The following TSPEAR variants were observed in gnomAD, a reference collection of about 807,000 sequenced individuals.
TSPEAR encodes the protein thrombospondin type laminin G domain and EAR repeats.
A neutral mutation model predicts 71.6 loss-of-function variants in TSPEAR; 69 were observed. That is an observed-to-expected ratio of 0.96 (90% CI 0.79 to 1.18). The LOEUF (loss-of-function observed/expected upper bound fraction) is 1.18, where lower values mean the gene tolerates loss of function less well. TSPEAR is among the 50% of genes most tolerant of loss of function. TSPEAR has a pLI of 0.00. For missense variants in TSPEAR, 971 were observed against 894.9 expected (o/e 1.09, Z -1.09); for synonymous variants, 402 against 387.2 (o/e 1.04, Z -0.45).
At chr21:44,609,135 A>G (rs1434174315) in intron 1 of TSPEAR, among the ~76,000 whole-genome samples, 1 of 152,238 alleles carries the variant, frequency 6.6e-6, no homozygotes, top group Non-Finnish European at 1.5e-5. Flanking sequence ...TAGAACACGC[A>G]AAGCTAACCA....
chr21:44,706,341 C>A (rs1987914833), intron 1 of TSPEAR, among the ~76,000 whole-genome samples: 1 of 151,606 alleles, frequency 6.6e-6, no homozygotes, highest in African/African-American at 2.4e-5. Flanking sequence ...GTGCACACCC[C>A]CATGCACACG....
At chr21:44,643,366 C>T (rs782058815) in intron 1 of TSPEAR, among the ~76,000 whole-genome samples, 151 of 152,166 alleles carry the variant, frequency 9.9e-4, no homozygotes, top group Admixed American at 1.8e-3. Context: ...TAACACAGAA[C>T]GCAACATAGT....
intron 1 of TSPEAR, among the ~76,000 whole-genome samples, chr21:44,595,070 C>T (rs1555927457): frequency 6.6e-6 from 1 of 152,170 alleles, no homozygotes; most frequent in East Asian, 1.9e-4. Flanking sequence ...GATCCACCTA[C>T]CTTGGCCTCC....
intron 4 of TSPEAR, among the ~76,000 whole-genome samples, 189 bp downstream of exon 4, chr21:44,530,854 A>G (rs1284611742): frequency 6.6e-6 from 1 of 152,212 alleles, no homozygotes; most frequent in Non-Finnish European, 1.5e-5. Flanking sequence ...ACCCAAGACC[A>G]TCAGGGAGGA....
intron 2 of TSPEAR, among the ~76,000 whole-genome samples, chr21:44,563,260 A>C (rs1193627284): frequency 1.3e-5 from 2 of 152,152 alleles, no homozygotes; most frequent in African/African-American, 4.8e-5. Context: ...AAAGCCATAA[A>C]ATTATAGGAA....
intron 9 of TSPEAR, chr21:44,516,708 C>CAACT (rs1256807904): frequency 1.3e-5 from 2 of 152,240 alleles, no homozygotes; most frequent in African/African-American, 4.8e-5. Flanking sequence ...TCGGGATGAC[C>CAACT]AACTGTGCCA....
At position 44,710,418 on chromosome 21, in the gene TSPEAR, CA is replaced by C. The variant is rs1988159513; in HGVS notation, c.82+1014del. Among the ~76,000 whole-genome samples the C allele has an allele frequency of 7.6e-6, 1 of 132,428 alleles. No individual in the cohort carries two copies. The highest frequency in any genetic ancestry group is 2.3e-4 in the South Asian group (1 of 4,334). 86.9% of individuals were successfully genotyped at this position (132,428 alleles called of 152,430 possible). On this transcript the variant is annotated intron_variant, in intron 1 of 11. Transcript: ENST00000323084. This position sits in a 1 kb window ranked among gnomAD's most constrained non-coding sequence, Gnocchi z 4.6. ...GGTGGGCAGGCACGTTTATGACCCC[CA>C]CCCCCACCCCCACCCCCCACGCGAG...
At chr21:44,566,214 A>G (rs1034221586) in intron 2 of TSPEAR, among the ~76,000 whole-genome samples, 7 of 152,118 alleles carry the variant, frequency 4.6e-5, no homozygotes, top group Non-Finnish European at 7.3e-5. Flanking sequence ...ATTTCTATAT[A>G]TTTGCAATTA....
In TSPEAR at chr21:44,622,148, A is replaced by T. The variant is rs587683488; in HGVS notation, c.83-54143T>A. 3.9e-5 allele frequency among the ~76,000 whole-genome samples: 6 copies of T among 152,360 alleles called. No homozygotes were observed. The South Asian group carries it at 1.2e-3, about 32-fold the overall frequency. On this transcript the variant is annotated intron_variant, in intron 1 of 11. Coordinates refer to ENST00000323084, the MANE Select transcript of TSPEAR (RefSeq NM_144991.3). ...GCTCCACATCATGAGTCATCAGGGC[A>T]ATACAAACTTAAACCCCAAAGGACT... is the stretch of plus-strand genomic sequence containing the variant.
At chr21:44,669,021 GA>G (rs782734491) in intron 1 of TSPEAR, among the ~76,000 whole-genome samples, 8 of 152,066 alleles carry the variant, frequency 5.3e-5, no homozygotes, top group Admixed American at 1.3e-4. Flanking sequence ...GATTGAAGAA[GA>G]GTTCATGAAC....
chr21:44,525,696 C>T lies in TSPEAR; in HGVS notation c.1293G>A (p.Glu431=), dbSNP rs1555914836. 1.2e-6 allele frequency: 2 copies of T among 1,614,206 alleles called. No homozygotes were observed. The highest frequency in any genetic ancestry group is 2.7e-5 in the African/African-American group (2 of 75,046). The change falls in exon 8 of 12, where the codon GAG becomes GAA. Residue 431 remains glutamate (E), a synonymous_variant. Coordinates refer to ENST00000323084, the MANE Select transcript of TSPEAR (RefSeq NM_144991.3). ...CCGCCAGGAAGTGCTCCCCATCCACCTCGAAGGCCTCCCAGTCTCGGGCGC... is the reference window on the plus strand; with the variant it reads ...CCGCCAGGAAGTGCTCCCCATCCACTTCGAAGGCCTCCCAGTCTCGGGCGC... ...THSARDWEAF[E]VDGEHFLAVA...
At chr21:44,704,427 C>A (rs9978396) in intron 1 of TSPEAR, among the ~76,000 whole-genome samples, 1 of 152,068 alleles carries the variant, frequency 6.6e-6, no homozygotes, top group Admixed American at 6.5e-5. Flanking sequence ...CCCAGGGAAC[C>A]CAAACCGTGC....
Position 44,623,665 on chromosome 21 carries a change from T to C in TSPEAR, c.83-55660A>G, listed in dbSNP as rs1982590567. 6.6e-6 allele frequency among the ~76,000 whole-genome samples: 1 copy of C among 152,228 alleles called. No individual in the cohort carries two copies. Among genetic ancestry groups the C allele is most frequent in the Non-Finnish European group, 1.5e-5 (1 of 68,020 alleles). On this transcript the variant is annotated intron_variant, in intron 1 of 11. Transcript: ENST00000323084. The surrounding 1 kb of genome is among the most constrained non-coding windows in gnomAD (Gnocchi z 4.5). ...AACATCATTTTCCTGTCCTCATTTT[T>C]GAGGATCTTCTTCCCAGGTGTAGAA...
chr21:44,636,578 G>A (rs964220084), intron 1 of TSPEAR, among the ~76,000 whole-genome samples: 6 of 152,150 alleles, frequency 3.9e-5, no homozygotes, highest in Admixed American at 2.6e-4. Flanking sequence ...AAGACCAGGC[G>A]TCCGGGCAGT....
In TSPEAR at chr21:44,533,672, G is replaced by C; in HGVS notation, c.542+13C>G. On this transcript the variant is annotated intron_variant, in intron 3 of 11. Transcript: ENST00000323084. ...GAGGACTGCAGGTGCACCCTCCCCG[G>C]GTGGGTACCTACATGTCCACCGGGA... 6.3e-7 allele frequency: 1 copy of C among 1,596,842 alleles called. No homozygotes were observed. Among genetic ancestry groups the C allele is most frequent in the Non-Finnish European group, 8.5e-7 (1 of 1,169,716 alleles).
chr21:44,507,235 G>A (rs1322388485), intron 10 of TSPEAR: 1 of 152,186 alleles, frequency 6.6e-6, no homozygotes, highest in Non-Finnish European at 1.5e-5. Flanking sequence ...TCCTTGTGAG[G>A]GGATGAGAAT....
rs1477189287 is a variant in TSPEAR, at chr21:44,540,231, TGTGA to T, written c.304-6312_304-6309del. On this transcript the variant is annotated intron_variant, in intron 2 of 11. Coordinates refer to ENST00000323084, the MANE Select transcript of TSPEAR (RefSeq NM_144991.3). The stretch of plus-strand genomic sequence containing the variant: ...CAGTGTGTGTGTGAGTGACTGAGTG[TGTGA>T]GTGAGTGTGTGAGCTTCGTGGGGCT... 205 of 1,562,636 alleles carry T rather than the reference TGTGA, an allele frequency of 1.3e-4. 1 individual carries two copies. Among genetic ancestry groups the T allele is most frequent in the South Asian group, 9.7e-4 (80 of 82,098 alleles).
Position 44,644,079 on chromosome 21 carries a change from G to C in TSPEAR, c.82+67354C>G, listed in dbSNP as rs1052485433. 2.0e-5 allele frequency among the ~76,000 whole-genome samples: 3 copies of C among 152,328 alleles called. No individual in the cohort carries two copies. The East Asian group carries it at 5.8e-4, about 29-fold the overall frequency. The stretch of plus-strand genomic sequence containing the variant: ...CCCCTCCCGGCACCTCCCTCTCCCA[G>C]CCAGGGCCATTTAATCCCTGCCATT... On this transcript the variant is annotated intron_variant, in intron 1 of 11. Coordinates refer to ENST00000323084, the MANE Select transcript of TSPEAR (RefSeq NM_144991.3).
chr21:44,666,643 A>G, intron 1 of TSPEAR: 1 of 1,613,050 alleles, frequency 6.2e-7, no homozygotes, highest in African/African-American at 1.3e-5. Context: ...CACACAGAAG[A>G]CTGGCAGCTC....
Sources: gnomAD v4.1 joint callset for allele counts (sites outside exome capture counted in the v4.1 genomes callset) on GRCh38, gnomAD v4.1.1 for gene constraint, Gnocchi (gnomAD v3.1) non-coding constraint, MANE v1.5 for transcripts, NCBI Gene and HGNC (gene_info 2026-07-23, HGNC 2026-07-21) for gene names.